ST8SIA6: variants seen among roughly 807,000 people sequenced by gnomAD.
ST8SIA6 encodes alpha-2,8-sialyltransferase 8F.
A neutral mutation model predicts 33.6 loss-of-function variants in ST8SIA6; 39 were observed. The ratio of observed to expected loss-of-function variants is 1.16; its 90% CI spans 0.90 to 1.52. ST8SIA6 has a LOEUF of 1.52. ST8SIA6 is among the 40% of genes most tolerant of loss of function. ST8SIA6 has a pLI of 0.00. For synonymous variants in ST8SIA6, 172 were observed against 167.2 expected (o/e 1.03, Z -0.22); for missense variants, 441 against 443.8 (o/e 0.99, Z 0.06).
intron 3 of ST8SIA6, among the ~76,000 whole-genome samples, chr10:17,369,392 C>T (rs1329599224): frequency 6.6e-6 from 1 of 152,202 alleles, no homozygotes; most frequent in East Asian, 1.9e-4. Flanking sequence ...AATTGTTTTT[C>T]TGCTATGTAT....
chr10:17,336,227 A>C (rs560823940), intron 4 of ST8SIA6, among the ~76,000 whole-genome samples: 29 of 152,052 alleles, frequency 1.9e-4, no homozygotes, highest in African/African-American at 6.7e-4. Context: ...AAAGTGCTGG[A>C]ATTACATGCC....
At chr10:17,397,987 T>C (rs897795299) in intron 2 of ST8SIA6, among the ~76,000 whole-genome samples, 4 of 152,348 alleles carry the variant, frequency 2.6e-5, no homozygotes, top group East Asian at 1.9e-4. Context: ...TTCCACAGAA[T>C]AGCCAAAAGC....
intron 3 of ST8SIA6, among the ~76,000 whole-genome samples, chr10:17,381,032 GTT>G (rs34818070): frequency 1.6e-4 from 24 of 148,446 alleles, no homozygotes; most frequent in African/African-American, 4.9e-4. Flanking sequence ...TTGAGCAAAA[GTT>G]TTTTTTTTTC....
At chr10:17,370,262 C>T (rs1849689812) in intron 3 of ST8SIA6, among the ~76,000 whole-genome samples, 2 of 152,168 alleles carry the variant, frequency 1.3e-5, no homozygotes, top group African/African-American at 2.4e-5. Flanking sequence ...GGATTGCAGG[C>T]GTGAGCCACC....
intron 2 of ST8SIA6, among the ~76,000 whole-genome samples, chr10:17,393,673 T>A (rs2131667094): frequency 6.6e-6 from 1 of 152,244 alleles, no homozygotes; most frequent in East Asian, 1.9e-4. Context: ...GTGGACAGAT[T>A]TGAGATCCAT....
chr10:17,438,583 G>C lies in ST8SIA6; in HGVS notation c.200+14976C>G, dbSNP rs1228563601. 2.0e-5 allele frequency among the ~76,000 whole-genome samples: 3 copies of C among 152,116 alleles called. No individual in the cohort carries two copies. The South Asian group carries it at 6.2e-4, about 32-fold the overall frequency. On this transcript the variant is annotated intron_variant, in intron 2 of 7. Transcript: ENST00000377602. The stretch of plus-strand genomic sequence containing the variant: ...TTCAGGACTCAAAGACTGCCTGTGA[G>C]CTAGCTGAGACTTTCCAGTCCAAAG...
intron 3 of ST8SIA6, among the ~76,000 whole-genome samples, chr10:17,388,072 G>A (rs1272555985): frequency 6.6e-6 from 1 of 152,240 alleles, no homozygotes; most frequent in Non-Finnish European, 1.5e-5. Flanking sequence ...ATCAAGGGTG[G>A]ACACCCCAGT....
rs188932001 is a variant in ST8SIA6, at chr10:17,427,669, T to G, written c.200+25890A>C. Among the ~76,000 whole-genome samples, 30 of 152,330 alleles carry G rather than the reference T, an allele frequency of 2.0e-4. No individual in the cohort carries two copies. The East Asian group carries it at 5.2e-3, about 26-fold the overall frequency. ...AGAACTTGAGGATGGCAGCTGAATG[T>G]GAATTCAGCCAAAGTCCTGATATAC... On this transcript the variant is annotated intron_variant, in intron 2 of 7. Coordinates refer to ENST00000377602, the MANE Select transcript of ST8SIA6 (RefSeq NM_001004470.3).
In ST8SIA6 at chr10:17,338,031, CTT is replaced by C. The variant is rs71393003; in HGVS notation, c.378-6481_378-6480del. ...ACACAAGGAGGCAGAAAATACTATT[CTT>C]TTTTTTTTTTTTTTTTTTGAGACGG... On this transcript the variant is annotated intron_variant, in intron 4 of 7. Transcript: ENST00000377602. Among the ~76,000 whole-genome samples the C allele has an allele frequency of 6.8e-5, 9 of 131,454 alleles. No individual in the cohort carries two copies. In the East Asian group the frequency reaches 6.9e-4, roughly 10 times the overall value. 86.2% of individuals were successfully genotyped at this position (131,454 alleles called of 152,430 possible). A position where few individuals can be genotyped will look rare whatever the true frequency, so the allele number is the denominator to read the frequency against.
At chr10:17,354,016 A>T (rs573084693) in intron 4 of ST8SIA6, among the ~76,000 whole-genome samples, 1 of 152,330 alleles carries the variant, frequency 6.6e-6, no homozygotes, top group African/African-American at 2.4e-5. Context: ...ACAGAAATGA[A>T]TACAGTTCTT....
intron 3 of ST8SIA6, among the ~76,000 whole-genome samples, chr10:17,378,854 C>G (rs1026492964): frequency 6.6e-6 from 1 of 152,232 alleles, no homozygotes; most frequent in Admixed American, 6.5e-5. Flanking sequence ...CAGCCAGGCA[C>G]GGTGGCTCAC....
At chr10:17,356,891 G>T (rs1849210090) in intron 4 of ST8SIA6, among the ~76,000 whole-genome samples, 1 of 152,054 alleles carries the variant, frequency 6.6e-6, no homozygotes. Context: ...TGAAGAGACT[G>T]ATTTTTGTCC....
chr10:17,342,184 G>A (rs1482545667), intron 4 of ST8SIA6, among the ~76,000 whole-genome samples: 2 of 152,162 alleles, frequency 1.3e-5, no homozygotes. Context: ...CATGGCCCAA[G>A]GTCATGGTAT....
intron 3 of ST8SIA6, among the ~76,000 whole-genome samples, chr10:17,382,246 C>T (rs1460999442): frequency 1.4e-5 from 2 of 142,706 alleles, no homozygotes; most frequent in Non-Finnish European, 3.0e-5. Context: ...AAAGAAGTTT[C>T]AGTGATAATT....
intron 2 of ST8SIA6, among the ~76,000 whole-genome samples, chr10:17,432,870 A>C (rs1021768280): frequency 6.6e-6 from 1 of 152,184 alleles, no homozygotes; most frequent in African/African-American, 2.4e-5. Flanking sequence ...CTAAGTGTTC[A>C]AACTGTGTTC....
At chr10:17,345,007 A>G (rs1848786160) in intron 4 of ST8SIA6, among the ~76,000 whole-genome samples, 1 of 150,444 alleles carries the variant, frequency 6.6e-6, no homozygotes, top group South Asian at 2.2e-4. Flanking sequence ...AAGACAGAGA[A>G]CATCCCATCC....
At chr10:17,376,586 A>C (rs771928553) in intron 3 of ST8SIA6, among the ~76,000 whole-genome samples, 3 of 152,206 alleles carry the variant, frequency 2.0e-5, no homozygotes, top group Admixed American at 2.0e-4. Flanking sequence ...GCTCTTAGAA[A>C]AATCATTTCA....
chr10:17,439,832 A>G (rs1357400104), intron 2 of ST8SIA6, among the ~76,000 whole-genome samples: 1 of 152,246 alleles, frequency 6.6e-6, no homozygotes, highest in Non-Finnish European at 1.5e-5. Context: ...CCAGGAGGAA[A>G]TGGCTCATTA....
chr10:17,369,975 C>A (rs1208943188), intron 3 of ST8SIA6, among the ~76,000 whole-genome samples: 1 of 150,160 alleles, frequency 6.7e-6, no homozygotes, highest in Non-Finnish European at 1.5e-5. Context: ...GTTTTTAATT[C>A]AGTGTGACAA....
Sources: gnomAD v4.1 joint callset for allele counts (sites outside exome capture counted in the v4.1 genomes callset) on GRCh38, gnomAD v4.1.1 for gene constraint, MANE v1.5 for transcripts, NCBI Gene and HGNC (gene_info 2026-07-23, HGNC 2026-07-21) for gene names.